The following MRPS35 variants were observed in gnomAD, a reference collection of about 807,000 sequenced individuals.
MRPS35 encodes the protein mitochondrial ribosomal protein S35.
Under a neutral mutation model 32.7 loss-of-function variants are expected in MRPS35, and 29 were observed. That is an observed-to-expected ratio of 0.89 (90% CI 0.66 to 1.21). The LOEUF (loss-of-function observed/expected upper bound fraction) is 1.21. Among genes scored for constraint, MRPS35 ranks in the 50% most tolerant of loss-of-function variants. MRPS35 has a pLI of 0.00. For synonymous variants in MRPS35, 148 were observed against 139.3 expected (o/e 1.06, Z -0.44); for missense variants, 373 against 383.8 (o/e 0.97, Z 0.23).
At chr12:27,720,967 C>G (rs2061871720) in intron 4 of MRPS35, among the ~76,000 whole-genome samples, 1 of 151,824 alleles carries the variant, frequency 6.6e-6, no homozygotes, top group Admixed American at 6.6e-5. Flanking sequence ...GAGTTGGTAC[C>G]TTTGGATAAA....
Position 27,756,169 on chromosome 12 carries a change from A to G in MRPS35, c.*719A>G, listed in dbSNP as rs2062025663. The G allele has an allele frequency of 6.6e-6, 1 of 152,210 alleles. No homozygotes were observed. Among genetic ancestry groups the G allele is most frequent in the Non-Finnish European group, 1.5e-5 (1 of 68,034 alleles). The allele number at this position is 152,210 out of a possible 1,614,324, so 9.4% of individuals were successfully genotyped here. A position where few individuals can be genotyped will look rare whatever the true frequency, so the allele number is the denominator to read the frequency against. On this transcript the variant is annotated 3_prime_UTR_variant, in exon 8 of 8. Coordinates refer to ENST00000081029, the MANE Select transcript of MRPS35 (RefSeq NM_021821.4). ...TGGAGTAAGTGACAAAATAAGAACTACCCTGGGAAACCCTGCATTCAATGT... is the reference window on the plus strand; with the variant it reads ...TGGAGTAAGTGACAAAATAAGAACTGCCCTGGGAAACCCTGCATTCAATGT...
chr12:27,751,686 C>G (rs1356743394), intron 7 of MRPS35, among the ~76,000 whole-genome samples: 3 of 152,174 alleles, frequency 2.0e-5, no homozygotes, highest in Non-Finnish European at 4.4e-5. Flanking sequence ...CTTTGGCTGT[C>G]TCTCTTTCTC....
At chr12:27,736,602 C>T (rs2061944175) in intron 6 of MRPS35, among the ~76,000 whole-genome samples, 1 of 151,082 alleles carries the variant, frequency 6.6e-6, no homozygotes, top group Non-Finnish European at 1.5e-5. Context: ...ACAGAATAAG[C>T]AGTATAGTTG....
intron 1 of MRPS35, among the ~76,000 whole-genome samples, chr12:27,711,541 C>T (rs1487484437): frequency 6.6e-6 from 1 of 152,122 alleles, no homozygotes; most frequent in Non-Finnish European, 1.5e-5. Context: ...GCTAGAATGA[C>T]GGGAGCGTTG....
At chr12:27,737,641 A>G in intron 7 of MRPS35, 33 bp downstream of exon 7, 1 of 1,529,562 alleles carries the variant, frequency 6.5e-7, no homozygotes, top group Non-Finnish European at 9.0e-7. Flanking sequence ...TGATTTTGTC[A>G]TTGTAATTTA....
chr12:27,716,286 C>G lies in MRPS35; in HGVS notation c.154-5C>G. On this transcript the variant is annotated splice_region_variant and splice_polypyrimidine_tract_variant and intron_variant, in intron 2 of 7. Coordinates refer to ENST00000081029, the MANE Select transcript of MRPS35 (RefSeq NM_021821.4). Reference sequence around the variant, plus strand: ...TAAAATACTAAACGATTTTATATTTCTTAGGCACTACCTCCTAGGACAGAG... The same window carrying G: ...TAAAATACTAAACGATTTTATATTTGTTAGGCACTACCTCCTAGGACAGAG... The G allele has an allele frequency of 6.4e-7, 1 of 1,554,626 alleles. No homozygotes were observed. Among genetic ancestry groups the G allele is most frequent in the Non-Finnish European group, 8.7e-7 (1 of 1,155,242 alleles).
chr12:27,745,554 T>G (rs2061979219), intron 7 of MRPS35, among the ~76,000 whole-genome samples: 1 of 151,276 alleles, frequency 6.6e-6, no homozygotes, highest in African/African-American at 2.5e-5. Flanking sequence ...GTTGTATCAG[T>G]GCCACCTGGG....
chr12:27,713,387 T>G (rs749554537), intron 1 of MRPS35, among the ~76,000 whole-genome samples: 3 of 152,188 alleles, frequency 2.0e-5, no homozygotes, highest in Non-Finnish European at 4.4e-5. Flanking sequence ...ATAGGCTGTC[T>G]GCAAGCTGGA....
intron 5 of MRPS35, 37 bp downstream of exon 5, chr12:27,724,223 A>T (rs1355713477): frequency 6.7e-7 from 1 of 1,494,434 alleles, no homozygotes; most frequent in Non-Finnish European, 8.9e-7. Flanking sequence ...TTAAATAAGA[A>T]TCATTCTAAT....
chr12:27,755,138 T>A, intron 7 of MRPS35, 43 bp from the exon 8 acceptor site: 2 of 1,461,000 alleles, frequency 1.4e-6, no homozygotes, highest in East Asian at 2.4e-5. Flanking sequence ...TTGATATTTC[T>A]CAGAATTCAG....
chr12:27,754,974 A>G (rs902810217), intron 7 of MRPS35, among the ~76,000 whole-genome samples: 1 of 152,128 alleles, frequency 6.6e-6, no homozygotes, highest in African/African-American at 2.4e-5. Flanking sequence ...GCAGCCCTCA[A>G]GCGCAGGTGC....
At chr12:27,741,014 A>G (rs1373071939) in intron 7 of MRPS35, among the ~76,000 whole-genome samples, 1 of 152,002 alleles carries the variant, frequency 6.6e-6, no homozygotes, top group African/African-American at 2.4e-5. Context: ...TAAAAATACA[A>G]AAAATTAGCC....
intron 7 of MRPS35, among the ~76,000 whole-genome samples, chr12:27,739,481 CT>C (rs2061955195): frequency 6.6e-6 from 1 of 152,168 alleles, no homozygotes; most frequent in Non-Finnish European, 1.5e-5. Context: ...AAGAAAAAAA[CT>C]TGGTTGTGAG....
At chr12:27,727,241 G>A (rs1282143940) in intron 5 of MRPS35, among the ~76,000 whole-genome samples, 4 of 152,232 alleles carry the variant, frequency 2.6e-5, no homozygotes, top group African/African-American at 9.6e-5. Context: ...GATTAGAGGC[G>A]TGAGCCTTTT....
intron 7 of MRPS35, among the ~76,000 whole-genome samples, chr12:27,740,548 C>T (rs2061960517): frequency 6.6e-6 from 1 of 152,158 alleles, no homozygotes; most frequent in Non-Finnish European, 1.5e-5. Flanking sequence ...GGATTATAGG[C>T]ATGAGCCACT....
intron 1 of MRPS35, among the ~76,000 whole-genome samples, chr12:27,714,075 CAA>C (rs34481044): frequency 0.19 from 14,859 of 78,116 alleles, 888 homozygotes; most frequent in African/African-American, 0.32. Context: ...GACCTTGTCT[CAA>C]AAAAAAAAAA....
chr12:27,755,648 G>T lies in MRPS35; in HGVS notation c.*198G>T. ...TTACACTGGGGCAATAGACTAGGAG[G>T]TCTCTGATTTCTTCTTGGTCTAAAG... On this transcript the variant is annotated 3_prime_UTR_variant, in exon 8 of 8. Coordinates refer to ENST00000081029, the MANE Select transcript of MRPS35 (RefSeq NM_021821.4). 1 of 392,810 alleles carries T rather than the reference G, an allele frequency of 2.5e-6. No individual in the cohort carries two copies. Among genetic ancestry groups the T allele is most frequent in the Non-Finnish European group, 4.4e-6 (1 of 229,296 alleles). 24.3% of individuals were successfully genotyped at this position (392,810 alleles called of 1,614,324 possible). A position where few individuals can be genotyped will look rare whatever the true frequency, so the allele number is the denominator to read the frequency against.
chr12:27,721,412 C>T (rs1045657751), intron 4 of MRPS35, among the ~76,000 whole-genome samples: 4 of 152,172 alleles, frequency 2.6e-5, no homozygotes, highest in Admixed American at 2.6e-4. Context: ...AATGCTCGCA[C>T]TTTGGGAGTC....
At chr12:27,736,327 G>T in intron 6 of MRPS35, among the ~76,000 whole-genome samples, 1 of 152,112 alleles carries the variant, frequency 6.6e-6, no homozygotes, top group East Asian at 1.9e-4. Flanking sequence ...GGCAGAAAAA[G>T]CTCAGGACCA....
Sources: allele counts gnomAD v4.1 joint callset (sites outside exome capture counted in the v4.1 genomes callset), GRCh38; gene constraint gnomAD v4.1.1; transcripts MANE v1.5; gene names NCBI Gene and HGNC (gene_info 2026-07-23, HGNC 2026-07-21).